PDE1A: variants seen among roughly 807,000 people sequenced by gnomAD.
PDE1A encodes the protein phosphodiesterase 1A.
A neutral mutation model predicts 61.7 loss-of-function variants in PDE1A; 35 were observed. The observed-to-expected ratio is 0.57, with a 90% confidence interval of 0.43 to 0.75. PDE1A has a LOEUF of 0.75. Among genes scored for constraint, PDE1A ranks in the 30% least tolerant of loss-of-function variants. The probability of loss-of-function intolerance (pLI) is 0.00; values close to 1 mark genes in which losing one functional copy is unlikely to be tolerated. For missense variants in PDE1A, 597 were observed against 630.6 expected (o/e 0.95, Z 0.57); for synonymous variants, 232 against 213.2 (o/e 1.09, Z -0.77).
the PDE1A span, among the ~76,000 whole-genome samples, chr2:182,559,778 A>G: frequency 6.6e-6 from 1 of 152,214 alleles, no homozygotes; most frequent in Non-Finnish European, 1.5e-5. Context: ...ACAATGAAGC[A>G]CTATATGTAC....
rs1686843627 is a variant in PDE1A at position 182,468,880 on chromosome 2, C to T, written c.101+53396G>A. Among the ~76,000 whole-genome samples, 3 of 152,112 alleles carry T rather than the reference C, an allele frequency of 2.0e-5. No individual in the cohort carries two copies. The South Asian group carries it at 6.2e-4, about 32-fold the overall frequency. On this transcript the variant is annotated intron_variant, in intron 2 of 14. Coordinates refer to the PDE1A transcript ENST00000410103. ...AGCAGAGCTCCTGGGTGACCAGATG[C>T]ATTGTTAATGAGCAGTAATATTTTG...
At chr2:182,523,077 C>G (rs1690660782), upstream of PDE1A, 2 of 152,296 alleles carry the variant, frequency 1.3e-5, no homozygotes, top group South Asian at 2.1e-4. Flanking sequence ...TGTACATCAA[C>G]TGATGCTGTA....
chr2:182,656,454 A>G, the PDE1A span, among the ~76,000 whole-genome samples: 3 of 152,342 alleles, frequency 2.0e-5, no homozygotes, highest in East Asian at 5.8e-4. Context: ...AGATGGGAAG[A>G]GCAAAAGAAA....
intron 13 of PDE1A, among the ~76,000 whole-genome samples, chr2:182,158,117 A>G (rs1691194869): frequency 6.6e-6 from 1 of 152,196 alleles, no homozygotes; most frequent in Admixed American, 6.5e-5. Context: ...TCATCTACTT[A>G]GAGTTTGTGA....
chr2:182,209,732 A>AAAAT (rs1687421772), intron 7 of PDE1A, among the ~76,000 whole-genome samples: 1 of 151,912 alleles, frequency 6.6e-6, no homozygotes, highest in East Asian at 2.0e-4. Flanking sequence ...CCACCATGTG[A>AAAAT]AAATATGCTT....
At chr2:182,564,306 A>G in the PDE1A span, among the ~76,000 whole-genome samples, 1 of 151,792 alleles carries the variant, frequency 6.6e-6, no homozygotes, top group Admixed American at 6.6e-5. Flanking sequence ...TTTCTCCTTC[A>G]CTTATGAAGC....
chr2:182,413,722 T>C (rs896369397), intron 1 of PDE1A, among the ~76,000 whole-genome samples: 1 of 152,208 alleles, frequency 6.6e-6, no homozygotes, highest in Non-Finnish European at 1.5e-5. Flanking sequence ...ACACTAAATA[T>C]CATATCTTTG....
At chr2:182,560,279 G>A in the PDE1A span, among the ~76,000 whole-genome samples, 3 of 136,982 alleles carry the variant, frequency 2.2e-5, no homozygotes, top group East Asian at 6.4e-4. Context: ...TGTTCTCATT[G>A]TTCAATTCCC....
intron 2 of PDE1A, among the ~76,000 whole-genome samples, chr2:182,440,079 G>C (rs1407551317): frequency 6.6e-6 from 1 of 152,052 alleles, no homozygotes. Context: ...CTGTCCCAGA[G>C]CATATAATTT....
chr2:182,699,208 T>C, the PDE1A span, among the ~76,000 whole-genome samples: 6 of 152,306 alleles, frequency 3.9e-5, no homozygotes, highest in African/African-American at 1.2e-4. Flanking sequence ...TCAAAGTAAC[T>C]AATGCTTCTA....
At chr2:182,237,560 G>A (rs533275489) in intron 3 of PDE1A, among the ~76,000 whole-genome samples, 6 of 152,312 alleles carry the variant, frequency 3.9e-5, no homozygotes, top group African/African-American at 1.4e-4. Flanking sequence ...TTATTTAGTG[G>A]AAGGCAAGGG....
chr2:182,181,911 T>G (rs1684796572), intron 13 of PDE1A, among the ~76,000 whole-genome samples: 1 of 152,204 alleles, frequency 6.6e-6, no homozygotes, highest in Admixed American at 6.5e-5. Flanking sequence ...GTTTGCTTAT[T>G]TTGTGCAACA....
the PDE1A span, among the ~76,000 whole-genome samples, chr2:182,627,320 T>TTA: frequency 0.38 from 32,704 of 86,004 alleles, 7,325 homozygotes; most frequent in Admixed American, 0.51. Flanking sequence ...AATATATATA[T>TTA]TATATATATA....
At chr2:182,424,262 T>C (rs1451496884) in intron 1 of PDE1A, among the ~76,000 whole-genome samples, 2 of 152,146 alleles carry the variant, frequency 1.3e-5, no homozygotes, top group African/African-American at 4.8e-5. Flanking sequence ...TCTTAATGAC[T>C]GAAATTTTAA....
the PDE1A span, among the ~76,000 whole-genome samples, chr2:182,690,708 G>A: frequency 6.6e-6 from 1 of 152,076 alleles, no homozygotes. Context: ...AGAAATAAAG[G>A]GTATTCAATT....
intron 1 of PDE1A, among the ~76,000 whole-genome samples, chr2:182,339,158 C>G (rs1698023549): frequency 6.6e-6 from 1 of 152,066 alleles, no homozygotes; most frequent in South Asian, 2.1e-4. Context: ...GGGTGTGTTA[C>G]TAGGAGTCCT....
At chr2:182,364,497 A>AAAAAAAAAAAAAAAAC (rs1699724122) in intron 1 of PDE1A, among the ~76,000 whole-genome samples, 1 of 146,126 alleles carries the variant, frequency 6.8e-6, no homozygotes, top group Admixed American at 6.9e-5. Context: ...AAAAAAAAAA[A>AAAAAAAAAAAAAAAAC]AACCTTATTC....
chr2:182,420,561 C>T lies in PDE1A; in HGVS notation c.53+6017G>A, dbSNP rs1703214322. ...AGTGATGGTTTTCATAATAAAAGCACATAACTTTTCAAGCCTATAAGCAGC... is the reference window on the plus strand; with the variant it reads ...AGTGATGGTTTTCATAATAAAAGCATATAACTTTTCAAGCCTATAAGCAGC... On this transcript the variant is annotated intron_variant, in intron 1 of 13. Coordinates refer to ENST00000351439, the Ensembl canonical transcript of PDE1A. Among the ~76,000 whole-genome samples, 8 of 152,106 alleles carry T rather than the reference C, an allele frequency of 5.3e-5. No homozygotes were observed. In the South Asian group the frequency reaches 1.5e-3, roughly 28 times the overall value.
the PDE1A span, among the ~76,000 whole-genome samples, chr2:182,613,003 A>T: frequency 2.0e-5 from 3 of 152,182 alleles, no homozygotes; most frequent in Non-Finnish European, 4.4e-5. Context: ...CAGGGCAAGA[A>T]ATGTTTTTAA....
Sources: allele counts gnomAD v4.1 joint callset (sites outside exome capture counted in the v4.1 genomes callset), GRCh38; gene constraint gnomAD v4.1.1; transcripts MANE v1.5; gene names NCBI Gene and HGNC (gene_info 2026-07-23, HGNC 2026-07-21).